CTNNA2: variants seen among roughly 807,000 people sequenced by gnomAD.
CTNNA2 encodes catenin alpha-2.
CTNNA2 carries 42 observed loss-of-function variants against 101.0 expected under a neutral mutation model. The ratio of observed to expected loss-of-function variants is 0.42; its 90% CI spans 0.32 to 0.54. The LOEUF (loss-of-function observed/expected upper bound fraction) is 0.54. CTNNA2 is among the 20% of genes least tolerant of loss of function. The pLI, the probability that CTNNA2 is intolerant of heterozygous loss-of-function variation, is 0.14. For missense variants in CTNNA2, 871 were observed against 1,223.1 expected, an observed-to-expected ratio of 0.71 and a Z score of 4.29; for synonymous variants, 450 against 456.4, an observed-to-expected ratio of 0.99 and a Z score of 0.18.
At chr2:79,382,286 C>T (rs1190583159) in intron 4 of CTNNA2, among the ~76,000 whole-genome samples, 1 of 152,018 alleles carries the variant, frequency 6.6e-6, no homozygotes, top group African/African-American at 2.4e-5. Flanking sequence ...CCCCCACTGG[C>T]TTTCCTGAGC....
chr2:79,443,016 A>G (rs1038630723), intron 4 of CTNNA2, among the ~76,000 whole-genome samples: 8 of 152,170 alleles, frequency 5.3e-5, no homozygotes, highest in African/African-American at 1.7e-4. Flanking sequence ...TTTCTGGTGT[A>G]TGTCACCCTA....
chr2:80,419,751 A>AC (rs1680355073), intron 9 of CTNNA2, 150 bp downstream of exon 9: 6 of 756,856 alleles, frequency 7.9e-6, no homozygotes, highest in East Asian at 2.9e-5. Flanking sequence ...TGATTACTGT[A>AC]CCCCCTTTCG....
At chr2:80,446,466 T>G (rs543231952) in intron 9 of CTNNA2, among the ~76,000 whole-genome samples, 1 of 152,366 alleles carries the variant, frequency 6.6e-6, no homozygotes, top group East Asian at 1.9e-4. Flanking sequence ...ATCTTTTAAG[T>G]CTGTTCTCCA....
chr2:79,683,536 C>G (rs1158868925), intron 2 of CTNNA2, among the ~76,000 whole-genome samples: 5 of 152,166 alleles, frequency 3.3e-5, no homozygotes, highest in Admixed American at 6.5e-5. Context: ...AGCCATCATT[C>G]AGGGAAGAGT....
At chr2:80,490,676 T>C (rs1174208448) in intron 9 of CTNNA2, among the ~76,000 whole-genome samples, 2 of 152,116 alleles carry the variant, frequency 1.3e-5, no homozygotes, top group African/African-American at 4.8e-5. Context: ...GATTTACCTA[T>C]AGTACATTTT....
chr2:80,198,381 G>A (rs1706979484), intron 7 of CTNNA2, among the ~76,000 whole-genome samples: 1 of 152,196 alleles, frequency 6.6e-6, no homozygotes, highest in South Asian at 2.1e-4. Flanking sequence ...TCTATGAGAA[G>A]ATGAAAGAAA....
intron 7 of CTNNA2, among the ~76,000 whole-genome samples, chr2:80,335,923 G>T (rs1671732726): frequency 6.6e-6 from 1 of 152,144 alleles, no homozygotes; most frequent in Admixed American, 6.5e-5. Context: ...TGTACAGCTT[G>T]TTCATGCCAC....
chr2:79,601,115 T>A (rs574668799), intron 1 of CTNNA2, among the ~76,000 whole-genome samples: 9 of 152,302 alleles, frequency 5.9e-5, no homozygotes, highest in Non-Finnish European at 1.2e-4. Context: ...TAGTTCACAT[T>A]GCAGATAGAA....
chr2:80,369,445 A>G (rs1675254517), intron 7 of CTNNA2, among the ~76,000 whole-genome samples: 1 of 152,116 alleles, frequency 6.6e-6, no homozygotes, highest in African/African-American at 2.4e-5. Flanking sequence ...ATGTACATAT[A>G]CAGATGCCCA....
intron 4 of CTNNA2, among the ~76,000 whole-genome samples, chr2:79,445,806 C>G (rs959946637): frequency 2.0e-5 from 3 of 152,066 alleles, no homozygotes; most frequent in African/African-American, 7.2e-5. Flanking sequence ...AAATTTAAAA[C>G]ATTGTATCCT....
intron 3 of CTNNA2, among the ~76,000 whole-genome samples, chr2:79,833,028 A>T (rs967682387): frequency 6.6e-6 from 1 of 152,370 alleles, no homozygotes; most frequent in Non-Finnish European, 1.5e-5. Flanking sequence ...ATTTGTAAAC[A>T]TAGTGATATA....
intron 7 of CTNNA2, among the ~76,000 whole-genome samples, chr2:80,333,472 A>C (rs948832931): frequency 2.0e-5 from 3 of 152,322 alleles, no homozygotes; most frequent in African/African-American, 4.8e-5. Flanking sequence ...GATATGCATG[A>C]TCAAAATACT....
chr2:80,495,939 CAAAAAAAAAAAA>C lies in CTNNA2; in HGVS notation c.1291-49026_1291-49015del, dbSNP rs60582703. Among the ~76,000 whole-genome samples the C allele has an allele frequency of 3.9e-3, 139 of 35,772 alleles. 1 individual carries two copies. The highest frequency in any genetic ancestry group is 0.036 in the East Asian group (39 of 1,082). The allele number at this position is 35,772 out of a possible 152,430, so 23.5% of individuals were successfully genotyped here. On this transcript the variant is annotated intron_variant, in intron 9 of 18. Transcript: ENST00000402739. ...TGGGCGGCAGAGCAAGACTCTGTCT[CAAAAAAAAAAAA>C]AAAAAAAAAAAAAAAAGGTGGCCAT... is the stretch of plus-strand genomic sequence containing the variant.
intron 7 of CTNNA2, among the ~76,000 whole-genome samples, chr2:80,018,326 T>C (rs2104080664): frequency 6.6e-6 from 1 of 152,300 alleles, no homozygotes; most frequent in South Asian, 2.1e-4. Flanking sequence ...TTTGTTTTTG[T>C]TGTTGTTATA....
intron 7 of CTNNA2, among the ~76,000 whole-genome samples, chr2:80,052,854 G>A (rs1464010560): frequency 6.6e-6 from 1 of 152,166 alleles, no homozygotes; most frequent in Non-Finnish European, 1.5e-5. Flanking sequence ...AGCTTCGGAG[G>A]TGTCCTTATA....
At chr2:79,503,688 G>C (rs957241770) in intron 4 of CTNNA2, among the ~76,000 whole-genome samples, 1 of 152,138 alleles carries the variant, frequency 6.6e-6, no homozygotes, top group African/African-American at 2.4e-5. Flanking sequence ...ATACATTAAA[G>C]AAAGAGAAGT....
At chr2:79,466,387 G>A (rs925689789) in intron 4 of CTNNA2, among the ~76,000 whole-genome samples, 8 of 152,174 alleles carry the variant, frequency 5.3e-5, no homozygotes, top group Non-Finnish European at 8.8e-5. Flanking sequence ...CTGGAAGCTC[G>A]AACTGGGTGG....
chr2:80,176,527 C>T (rs1705405769), intron 7 of CTNNA2, among the ~76,000 whole-genome samples: 1 of 152,216 alleles, frequency 6.6e-6, no homozygotes, highest in South Asian at 2.1e-4. Context: ...ATTCCTTTTG[C>T]CTTCAGCAAT....
chr2:79,826,625 C>T (rs1185543365), intron 3 of CTNNA2, among the ~76,000 whole-genome samples: 1 of 152,194 alleles, frequency 6.6e-6, no homozygotes, highest in Non-Finnish European at 1.5e-5. Context: ...TGCCAAAGAA[C>T]AGAAAAATGT....
Sources: gnomAD v4.1 joint callset for allele counts (sites outside exome capture counted in the v4.1 genomes callset) on GRCh38, gnomAD v4.1.1 for gene constraint, MANE v1.5 for transcripts, NCBI Gene and HGNC (gene_info 2026-07-23, HGNC 2026-07-21) for gene names.